KCND2: variants seen among roughly 807,000 people sequenced by gnomAD.
KCND2 encodes potassium voltage-gated channel subfamily D member 2.
Under a neutral mutation model 54.4 loss-of-function variants are expected in KCND2, and 16 were observed. The observed-to-expected ratio is 0.29, with a 90% CI of 0.20 to 0.45. The LOEUF is 0.45. KCND2 is among the 20% of genes least tolerant of loss of function. The pLI is 1.00. For synonymous variants in KCND2, 317 were observed against 310.7 expected (o/e 1.02, Z -0.21); for missense variants, 486 against 824.2 (o/e 0.59, Z 5.02).
chr7:120,542,270 T>C (rs1177861067), intron 1 of KCND2, among the ~76,000 whole-genome samples: 1 of 152,190 alleles, frequency 6.6e-6, no homozygotes, highest in Non-Finnish European at 1.5e-5. Flanking sequence ...TGATTGCATA[T>C]TCAAGTGGTC....
At chr7:120,629,305 G>A (rs562366399) in intron 1 of KCND2, among the ~76,000 whole-genome samples, 1 of 152,154 alleles carries the variant, frequency 6.6e-6, no homozygotes, top group Non-Finnish European at 1.5e-5. Context: ...TGGTAACTCG[G>A]TGAAACCCCG....
chr7:120,354,488 A>G (rs2116390115), intron 1 of KCND2, among the ~76,000 whole-genome samples: 1 of 152,338 alleles, frequency 6.6e-6, no homozygotes, highest in East Asian at 1.9e-4. Flanking sequence ...TGGAAAGCCC[A>G]TTGCTATGGT....
intron 1 of KCND2, among the ~76,000 whole-genome samples, chr7:120,358,041 A>G (rs1399284785): frequency 1.3e-5 from 2 of 152,122 alleles, no homozygotes; most frequent in Non-Finnish European, 2.9e-5. Context: ...AAATTGGAGT[A>G]TGGTGGAGGT....
chr7:120,310,423 A>AT (rs915538769), intron 1 of KCND2, among the ~76,000 whole-genome samples: 2 of 152,014 alleles, frequency 1.3e-5, no homozygotes, highest in African/African-American at 2.4e-5. Context: ...CTTTAAAAGA[A>AT]TTTTTTTTCT....
chr7:120,680,634 C>G lies in KCND2; in HGVS notation c.1116-52269C>G, dbSNP rs146416381. 1.2e-3 allele frequency among the ~76,000 whole-genome samples: 186 copies of G among 152,190 alleles called. 2 individuals carry two copies. Among genetic ancestry groups the G allele is most frequent in the Middle Eastern group, 0.01 (3 of 294 alleles). On this transcript the variant is annotated intron_variant, in intron 1 of 5. Coordinates refer to ENST00000331113, the MANE Select transcript of KCND2 (RefSeq NM_012281.3). Reference sequence around the variant, plus strand: ...GGCCTACCATCTCTTTAACCACTCACTCTGCTTCATTAGCAAAATTCTTAT... The same window carrying G: ...GGCCTACCATCTCTTTAACCACTCAGTCTGCTTCATTAGCAAAATTCTTAT...
At chr7:120,397,245 A>G (rs1801168105) in intron 1 of KCND2, among the ~76,000 whole-genome samples, 1 of 152,058 alleles carries the variant, frequency 6.6e-6, no homozygotes, top group African/African-American at 2.4e-5. Context: ...TCATTCATCA[A>G]AATAGAAAAT....
chr7:120,357,492 C>T (rs777937958), intron 1 of KCND2, among the ~76,000 whole-genome samples: 1 of 152,128 alleles, frequency 6.6e-6, no homozygotes, highest in South Asian at 2.1e-4. Context: ...TGTATACCTA[C>T]ATGCAATAAT....
At chr7:120,326,031 G>A (rs1799968982) in intron 1 of KCND2, among the ~76,000 whole-genome samples, 1 of 151,992 alleles carries the variant, frequency 6.6e-6, no homozygotes, top group African/African-American at 2.4e-5. Flanking sequence ...AAGTGGTTGG[G>A]CTCACATAAA....
At position 120,275,136 on chromosome 7, in the gene KCND2, G is replaced by C; in HGVS notation, c.504G>C (p.Arg168Ser). Residue 168 changes from arginine to serine, a missense_variant, in exon 1 of 6, where the codon AGG becomes AGC. Around this residue, in one of 7 missense-constraint regions of KCND2, gnomAD observed 231 missense variants for 386.0 expected, o/e 0.60. Transcript: ENST00000331113. ...GESALPTMTARQRVWRAFENP... is the reference protein window; with the variant it reads ...GESALPTMTASQRVWRAFENP... ...GCGCCTTGCCCACCATGACTGCAAG[G>C]CAGAGGGTCTGGAGGGCCTTCGAGA... 1 of 1,613,924 alleles carries C rather than the reference G, an allele frequency of 6.2e-7. No individual in the cohort carries two copies. The highest frequency in any genetic ancestry group is 8.5e-7 in the Non-Finnish European group (1 of 1,179,960).
At chr7:120,667,563 C>T (rs1259705937) in intron 1 of KCND2, among the ~76,000 whole-genome samples, 1 of 151,866 alleles carries the variant, frequency 6.6e-6, no homozygotes, top group East Asian at 1.9e-4. Flanking sequence ...TAGGAAGCAC[C>T]AGGTTGAGTG....
intron 1 of KCND2, among the ~76,000 whole-genome samples, chr7:120,548,717 A>G (rs1316585958): frequency 6.6e-6 from 1 of 152,162 alleles, no homozygotes; most frequent in Non-Finnish European, 1.5e-5. Flanking sequence ...GTATGTTATC[A>G]GATTCAATCA....
intron 1 of KCND2, among the ~76,000 whole-genome samples, chr7:120,373,057 C>G (rs962340569): frequency 6.6e-6 from 1 of 151,830 alleles, no homozygotes; most frequent in Admixed American, 6.6e-5. Context: ...GTGACTTGTG[C>G]CTGAGTCCTC....
chr7:120,536,762 T>C (rs1791912504), intron 1 of KCND2, among the ~76,000 whole-genome samples: 1 of 152,176 alleles, frequency 6.6e-6, no homozygotes, highest in Admixed American at 6.5e-5. Flanking sequence ...CTAGTTCTCT[T>C]GGTGTTCATG....
chr7:120,300,309 T>TAGATGAAC (rs1469172511), intron 1 of KCND2, among the ~76,000 whole-genome samples: 5 of 152,232 alleles, frequency 3.3e-5, no homozygotes, highest in Non-Finnish European at 7.4e-5. Flanking sequence ...GTCAAAACCC[T>TAGATGAAC]AGATGAACTC....
chr7:120,608,089 A>G (rs571790352), intron 1 of KCND2, among the ~76,000 whole-genome samples: 1 of 151,994 alleles, frequency 6.6e-6, no homozygotes, highest in East Asian at 1.9e-4. Context: ...AGAAAAGTTT[A>G]TCTTTATATG....
At chr7:120,578,815 A>G (rs531456200) in intron 1 of KCND2, among the ~76,000 whole-genome samples, 1 of 152,160 alleles carries the variant, frequency 6.6e-6, no homozygotes, top group East Asian at 1.9e-4. Context: ...CAGTGAGTGA[A>G]GATTGCACCA....
At chr7:120,671,716 A>C (rs1791995663) in intron 1 of KCND2, among the ~76,000 whole-genome samples, 1 of 152,056 alleles carries the variant, frequency 6.6e-6, no homozygotes, top group African/African-American at 2.4e-5. Context: ...TAAAAACTAG[A>C]CACAGCTTAT....
intron 1 of KCND2, among the ~76,000 whole-genome samples, chr7:120,507,551 C>T (rs1035721780): frequency 1.4e-4 from 21 of 151,996 alleles, no homozygotes; most frequent in African/African-American, 4.8e-4. Context: ...TGAACATGCC[C>T]ATTGCTCTTC....
rs144171509 is a variant in KCND2 at position 120,518,925 on chromosome 7, T to C, written c.1116-213978T>C. Reference sequence around the variant, plus strand: ...ACATGAGCTTTCAAAAGCAGAGACCTTTCTATGAAGAAGAGAGGAAACAGA... The same window carrying C: ...ACATGAGCTTTCAAAAGCAGAGACCCTTCTATGAAGAAGAGAGGAAACAGA... On this transcript the variant is annotated intron_variant, in intron 1 of 5. Coordinates refer to ENST00000331113, the MANE Select transcript of KCND2 (RefSeq NM_012281.3). Among the ~76,000 whole-genome samples, 775 of 152,258 alleles carry C rather than the reference T, an allele frequency of 5.1e-3. 6 individuals are homozygous for C. Among genetic ancestry groups the C allele is most frequent in the African/African-American group, 0.018 (730 of 41,568 alleles).
Sources: allele counts gnomAD v4.1 joint callset (sites outside exome capture counted in the v4.1 genomes callset), GRCh38; gene constraint gnomAD v4.1.1; regional missense constraint gnomAD v4.1.1; transcripts MANE v1.5; gene names NCBI Gene and HGNC (gene_info 2026-07-23, HGNC 2026-07-21).